The following CTBP1 variants were observed in gnomAD, a reference collection of about 807,000 sequenced individuals.
CTBP1 encodes the protein C-terminal-binding protein 1.
Under a neutral mutation model 42.1 loss-of-function variants are expected in CTBP1, and 11 were observed. That is an observed-to-expected ratio of 0.26 (90% CI 0.16 to 0.43). The LOEUF (loss-of-function observed/expected upper bound fraction) is 0.43, where lower values mean the gene tolerates loss of function less well. CTBP1 is among the 20% of genes least tolerant of loss of function. The probability of loss-of-function intolerance (pLI) is 1.00; values close to 1 mark genes in which losing one functional copy is unlikely to be tolerated. For synonymous variants in CTBP1, 324 were observed against 277.1 expected (o/e 1.17, Z -1.68); for missense variants, 399 against 624.3 (o/e 0.64, Z 3.85).
At chr4:1,224,501 T>C (rs1400763158) in intron 5 of CTBP1, among the ~76,000 whole-genome samples, 1 of 151,732 alleles carries the variant, frequency 6.6e-6, no homozygotes, top group Non-Finnish European at 1.5e-5. Flanking sequence ...GTGTGATGTC[T>C]GTGAGGCCCA....
chr4:1,223,351 G>GT, intron 5 of CTBP1: 1 of 434,900 alleles, frequency 2.3e-6, no homozygotes, highest in Middle Eastern at 3.4e-4. Context: ...CAGCAAGACC[G>GT]TGAGAGACGT....
intron 3 of CTBP1, among the ~76,000 whole-genome samples, chr4:1,229,217 C>T (rs1005875366): frequency 9.2e-5 from 14 of 152,246 alleles, no homozygotes; most frequent in African/African-American, 3.4e-4. Flanking sequence ...GAGGAAGTGC[C>T]CTAGGCCGAA....
chr4:1,212,743 G>C lies in CTBP1; in HGVS notation c.1106+170C>G, dbSNP rs1728677486. 3 of 648,500 alleles carry C rather than the reference G, an allele frequency of 4.6e-6. No homozygotes were observed. In the African/African-American group the frequency reaches 5.5e-5, roughly 12 times the overall value. 40.2% of individuals were successfully genotyped at this position (648,500 alleles called of 1,614,324 possible). ...CCACCCCAGCCCAGGCTCCTTCCAA[G>C]AGGCCCTGGTTCTCATGGGCCTTTC... On this transcript the variant is annotated intron_variant, in intron 9 of 9. Coordinates refer to ENST00000382952, the MANE Select transcript of CTBP1 (RefSeq NM_001012614.2).
chr4:1,212,451 C>T, intron 9 of CTBP1, 28 bp from the exon 10 acceptor site: 1 of 1,414,164 alleles, frequency 7.1e-7, no homozygotes, highest in South Asian at 1.6e-5. Context: ...ATCCGTGAGG[C>T]CCACCTGTAG....
At chr4:1,245,655 A>G (rs1453295507) in intron 1 of CTBP1, 26 of 982,742 alleles carry the variant, frequency 2.6e-5, no homozygotes, top group Non-Finnish European at 3.0e-5. Context: ...GGGCAGGGTG[A>G]CACGGGCGGC....
intron 5 of CTBP1, among the ~76,000 whole-genome samples, chr4:1,224,266 C>CGT (rs370442230): frequency 3.3e-5 from 5 of 152,090 alleles, no homozygotes; most frequent in African/African-American, 9.7e-5. Flanking sequence ...ATGTGATACC[C>CGT]GTGTGTGTGT....
chr4:1,243,920 G>T, intron 1 of CTBP1: 12 of 985,476 alleles, frequency 1.2e-5, no homozygotes, highest in South Asian at 9.4e-5. Flanking sequence ...ACCTCATGTT[G>T]TAAGAAAGCA....
At chr4:1,229,871 T>C (rs763996500) in intron 3 of CTBP1, among the ~76,000 whole-genome samples, 2 of 152,090 alleles carry the variant, frequency 1.3e-5, no homozygotes, top group African/African-American at 4.8e-5. Context: ...GAGAGGACCA[T>C]GGAGGACCAC....
intron 1 of CTBP1, chr4:1,244,364 G>GGGT (rs55676541): frequency 1.0e-6 from 1 of 983,786 alleles, no homozygotes; most frequent in Non-Finnish European, 1.2e-6. Flanking sequence ...TGGGGGGGGG[G>GGGT]TGTTCCAGGA....
At chr4:1,249,736 G>A, upstream of CTBP1, 1 of 374,040 alleles carries the variant, frequency 2.7e-6, no homozygotes, top group Non-Finnish European at 5.4e-6. Flanking sequence ...CCGACTCCTG[G>A]AGGGACCGCG....
intron 3 of CTBP1, 142 bp from the exon 4 acceptor site, chr4:1,228,485 G>C (rs975830971): frequency 1.8e-6 from 2 of 1,082,196 alleles, no homozygotes; most frequent in Non-Finnish European, 2.6e-6. Context: ...CACTGGGAGA[G>C]GCTACATGAA....
intron 2 of CTBP1, among the ~76,000 whole-genome samples, chr4:1,239,416 G>A (rs1424979315): frequency 6.6e-6 from 1 of 152,216 alleles, no homozygotes; most frequent in African/African-American, 2.4e-5. Flanking sequence ...CAGCAGGAGG[G>A]GAGGCGCACG....
chr4:1,237,805 A>G (rs1435116886), intron 3 of CTBP1: 1 of 691,378 alleles, frequency 1.4e-6, no homozygotes, highest in Non-Finnish European at 2.6e-6. Context: ...GATGGGGCAC[A>G]GGGCAAAACG....
At chr4:1,225,716 G>C (rs896089569) in intron 4 of CTBP1, 150 bp from the exon 5 acceptor site, 2 of 793,918 alleles carry the variant, frequency 2.5e-6, no homozygotes, top group Non-Finnish European at 3.9e-6. Context: ...GCCACGAGAT[G>C]AACACGTTGC....
Position 1,238,473 on chromosome 4 carries a change from G to C in CTBP1, c.8-136C>G. On this transcript the variant is annotated intron_variant, in intron 2 of 9. Coordinates refer to ENST00000382952, the MANE Select transcript of CTBP1 (RefSeq NM_001012614.2). This position sits in a 1 kb window ranked among gnomAD's most constrained non-coding sequence, Gnocchi z 5.9. ...TTCTGGTCTATATGTTGTGATATTT[G>C]TAAAAAGTAAATTAAAAATCCACGT... The C allele has an allele frequency of 9.3e-7, 1 of 1,075,360 alleles. No individual in the cohort carries two copies. The highest frequency in any genetic ancestry group is 1.3e-6 in the Non-Finnish European group (1 of 784,170). The allele number at this position is 1,075,360 out of a possible 1,614,324, so 66.6% of individuals were successfully genotyped here.
Position 1,233,934 on chromosome 4 carries a change from A to G in CTBP1, c.162+4249T>C, listed in dbSNP as rs1349316396. Among the ~76,000 whole-genome samples, 1 of 152,188 alleles carries G rather than the reference A, an allele frequency of 6.6e-6. No individual in the cohort carries two copies. Among genetic ancestry groups the G allele is most frequent in the Non-Finnish European group, 1.5e-5 (1 of 68,026 alleles). ...AGCCTGCGGCCCCGCTGCCCTCTCC[A>G]CAGCCACGAGGGTCCCTGCCTCCTG... On this transcript the variant is annotated intron_variant, in intron 3 of 9. Coordinates refer to ENST00000382952, the MANE Select transcript of CTBP1 (RefSeq NM_001012614.2). This position sits in a 1 kb window ranked among gnomAD's most constrained non-coding sequence, Gnocchi z 4.6.
At chr4:1,212,450 GCCCACCTGTAGGCGGCCTGGCCAGGC>G in intron 9 of CTBP1, 27 bp from the exon 10 acceptor site, 3 of 1,414,324 alleles carry the variant, frequency 2.1e-6, no homozygotes, top group Non-Finnish European at 1.8e-6. Flanking sequence ...CATCCGTGAG[GCCCACCTGTAGGCGGCCTGGCCAGGC>G]CCCACCTGCC....
rs546417305 is a variant in CTBP1, at chr4:1,243,123, C to T, written c.-188-1604G>A. On this transcript the variant is annotated intron_variant, in intron 1 of 9. Transcript: ENST00000382952. ...CGGTGGCCCAGTACCGGCTGCTGCT[C>T]GTCAAGACCGGCCAATACTCAATAC... 1.3e-4 allele frequency: 127 copies of T among 985,466 alleles called. 1 individual carries two copies. The South Asian group carries it at 4.4e-3, about 34-fold the overall frequency. 61.0% of individuals were successfully genotyped at this position (985,466 alleles called of 1,614,324 possible).
intron 5 of CTBP1, 116 bp downstream of exon 5, chr4:1,225,244 G>A (rs1229831583): frequency 2.4e-6 from 3 of 1,262,674 alleles, no homozygotes; most frequent in Non-Finnish European, 3.2e-6. Flanking sequence ...TCCTGGGTTG[G>A]GACCGACACC....
Sources: allele counts gnomAD v4.1 joint callset (sites outside exome capture counted in the v4.1 genomes callset), GRCh38; gene constraint gnomAD v4.1.1; non-coding constraint Gnocchi (gnomAD v3.1); transcripts MANE v1.5; gene names NCBI Gene and HGNC (gene_info 2026-07-23, HGNC 2026-07-21).